Variants in ZSWIM6 observed in about 807,000 individuals in gnomAD.
ZSWIM6 encodes the protein zinc finger SWIM-type containing 6, also known as zinc finger SWIM domain-containing protein 6.
Under a neutral mutation model 113.2 loss-of-function variants are expected in ZSWIM6, and 9 were observed. That is an observed-to-expected ratio of 0.08 (90% confidence interval 0.05 to 0.14). The LOEUF (loss-of-function observed/expected upper bound fraction) is 0.14, where lower values mean the gene tolerates loss of function less well. ZSWIM6 is among the 10% of genes least tolerant of loss of function. The pLI, the probability that ZSWIM6 is intolerant of heterozygous loss-of-function variation, is 1.00. For missense variants in ZSWIM6, 1,162 were observed against 1,552.2 expected, an observed-to-expected ratio of 0.75 and a Z score of 4.22; for synonymous variants, 611 against 606.5, an observed-to-expected ratio of 1.01 and a Z score of -0.11.
intron 1 of ZSWIM6, among the ~76,000 whole-genome samples, chr5:61,415,482 C>G (rs1279714973): frequency 6.6e-6 from 1 of 151,904 alleles, no homozygotes; most frequent in African/African-American, 2.4e-5. Context: ...ATCCCAGCTA[C>G]TCGGGAGGCT....
chr5:61,517,723 C>T (rs1748987296), intron 4 of ZSWIM6, among the ~76,000 whole-genome samples: 1 of 150,782 alleles, frequency 6.6e-6, no homozygotes, highest in Admixed American at 6.6e-5. Flanking sequence ...ATCATGAGAG[C>T]CTGGGGATTG....
chr5:61,449,114 G>A (rs761869220), intron 1 of ZSWIM6, among the ~76,000 whole-genome samples: 9 of 152,020 alleles, frequency 5.9e-5, no homozygotes, highest in Non-Finnish European at 1.2e-4. Context: ...TATAGTCCTG[G>A]GTTCATCCTA....
At chr5:61,366,927 C>CAAAAAAAAAAAAAAAA (rs34423967) in intron 1 of ZSWIM6, among the ~76,000 whole-genome samples, 1 of 86,140 alleles carries the variant, frequency 1.2e-5, no homozygotes. Flanking sequence ...TCTGCTGTCT[C>CAAAAAAAAAAAAAAAA]AAAAAAAAAA....
At chr5:61,497,854 C>T (rs1348569770) in intron 4 of ZSWIM6, among the ~76,000 whole-genome samples, 1 of 152,204 alleles carries the variant, frequency 6.6e-6, no homozygotes, top group Non-Finnish European at 1.5e-5. Flanking sequence ...GAATTACATT[C>T]TTTATTCTGT....
In ZSWIM6 at chr5:61,479,916, CT is replaced by C. The variant is rs57327797; in HGVS notation, c.1033+6890del. Among the ~76,000 whole-genome samples the C allele has an allele frequency of 3.9e-4, 58 of 148,364 alleles. No individual in the cohort carries two copies. The East Asian group carries it at 6.9e-3, about 18-fold the overall frequency. ...TTTAAGGAAAATATTTGTGAACCAGCTTTTTTTTTTTAAGTCTTTTAAAAAT... is the reference window on the plus strand; with the variant it reads ...TTTAAGGAAAATATTTGTGAACCAGCTTTTTTTTTTAAGTCTTTTAAAAAT... On this transcript the variant is annotated intron_variant, in intron 2 of 13. Coordinates refer to ENST00000252744, the MANE Select transcript of ZSWIM6 (RefSeq NM_020928.2).
At chr5:61,415,109 A>G (rs778980328) in intron 1 of ZSWIM6, among the ~76,000 whole-genome samples, 1 of 152,192 alleles carries the variant, frequency 6.6e-6, no homozygotes, top group Admixed American at 6.5e-5. Flanking sequence ...ACTGTTCCCT[A>G]TGGCTGCAAC....
intron 11 of ZSWIM6, 125 bp from the exon 12 acceptor site, chr5:61,539,464 CTTGTGCT>C: frequency 9.1e-7 from 1 of 1,100,382 alleles, no homozygotes; most frequent in African/African-American, 1.6e-5. Context: ...GGTAAATTAA[CTTGTGCT>C]TTATGTTTTG....
chr5:61,418,354 G>T (rs112785197), intron 1 of ZSWIM6, among the ~76,000 whole-genome samples: 21,475 of 151,588 alleles, frequency 0.14, 1,622 homozygotes, highest in Non-Finnish European at 0.17. Context: ...TGCAACCTCC[G>T]CTTCCCGGGT....
At chr5:61,403,301 A>C (rs1745976133) in intron 1 of ZSWIM6, among the ~76,000 whole-genome samples, 1 of 152,222 alleles carries the variant, frequency 6.6e-6, no homozygotes, top group Non-Finnish European at 1.5e-5. Context: ...TTATTACCAA[A>C]ATTATAGCAT....
chr5:61,387,623 T>G (rs1745615160), intron 1 of ZSWIM6, among the ~76,000 whole-genome samples: 1 of 151,474 alleles, frequency 6.6e-6, no homozygotes, highest in African/African-American at 2.4e-5. Flanking sequence ...ATACAAAAAT[T>G]AGGTTGGGCA....
At chr5:61,525,691 G>A in intron 5 of ZSWIM6, 109 bp from the exon 6 acceptor site, 1 of 1,304,986 alleles carries the variant, frequency 7.7e-7, no homozygotes, top group Non-Finnish European at 1.1e-6. Flanking sequence ...GGGGGTGCAG[G>A]ACAATGTGTG....
intron 1 of ZSWIM6, among the ~76,000 whole-genome samples, chr5:61,460,452 T>G (rs369772669): frequency 1.3e-5 from 2 of 152,222 alleles, no homozygotes; most frequent in East Asian, 3.8e-4. Flanking sequence ...TGGTGAAACT[T>G]AATCCAAACT....
At chr5:61,341,818 A>G (rs1367198329) in intron 1 of ZSWIM6, among the ~76,000 whole-genome samples, 3 of 148,894 alleles carry the variant, frequency 2.0e-5, no homozygotes, top group Admixed American at 6.7e-5. Flanking sequence ...CTATACATAT[A>G]TGTACTTCTT....
rs35971366 is a variant in ZSWIM6 at position 61,543,227 on chromosome 5, C to CT, written c.2786-225dup. ...ATACCAGCTACCAAGAGGATTGGTTCTTTATTATAGCAAGTTCATGTTCCT... is the reference window on the plus strand; with the variant it reads ...ATACCAGCTACCAAGAGGATTGGTTCTTTTATTATAGCAAGTTCATGTTCCT... On this transcript the variant is annotated intron_variant, in intron 13 of 13. Coordinates refer to ENST00000252744, the MANE Select transcript of ZSWIM6 (RefSeq NM_020928.2). This position sits in a 1 kb window ranked among gnomAD's most constrained non-coding sequence, Gnocchi z 4.3. Among the ~76,000 whole-genome samples the CT allele has an allele frequency of 0.31, 47,054 of 151,796 alleles. 7,593 individuals carry two copies. Among genetic ancestry groups the CT allele is most frequent in the Non-Finnish European group, 0.36 (24,495 of 67,808 alleles).
chr5:61,524,114 T>C (rs1428311672), intron 5 of ZSWIM6, among the ~76,000 whole-genome samples: 1 of 152,236 alleles, frequency 6.6e-6, no homozygotes, highest in Non-Finnish European at 1.5e-5. Context: ...GATACTTACA[T>C]GAGGCTAAAA....
chr5:61,444,351 G>T (rs1579999569), intron 1 of ZSWIM6, among the ~76,000 whole-genome samples: 1 of 151,918 alleles, frequency 6.6e-6, no homozygotes, highest in African/African-American at 2.4e-5. Flanking sequence ...CTATCGTTGT[G>T]GGACATTTAG....
chr5:61,458,944 G>C (rs1747267552), intron 1 of ZSWIM6, among the ~76,000 whole-genome samples: 1 of 151,354 alleles, frequency 6.6e-6, no homozygotes, highest in African/African-American at 2.4e-5. Flanking sequence ...TGGTAGCAGA[G>C]CTGGGATTAA....
At chr5:61,342,874 A>G (rs1744577475) in intron 1 of ZSWIM6, among the ~76,000 whole-genome samples, 1 of 152,066 alleles carries the variant, frequency 6.6e-6, no homozygotes, top group African/African-American at 2.4e-5. Context: ...GAACTCTAAA[A>G]TTTTACTTGA....
chr5:61,401,624 A>G (rs1052158990), intron 1 of ZSWIM6, among the ~76,000 whole-genome samples: 2 of 152,162 alleles, frequency 1.3e-5, no homozygotes, highest in African/African-American at 4.8e-5. Flanking sequence ...GTAATGGGAT[A>G]ATGGTGCATC....
Sources: gnomAD v4.1 joint callset for allele counts (sites outside exome capture counted in the v4.1 genomes callset) on GRCh38, gnomAD v4.1.1 for gene constraint, Gnocchi (gnomAD v3.1) non-coding constraint, MANE v1.5 for transcripts, NCBI Gene and HGNC (gene_info 2026-07-23, HGNC 2026-07-21) for gene names.